The following MORC1 variants were observed in gnomAD, a reference collection of about 807,000 sequenced individuals.
MORC1 encodes the protein MORC family CW-type zinc finger 1.
MORC1 carries 59 observed loss-of-function variants against 134.9 expected under a neutral mutation model. The ratio of observed to expected loss-of-function variants is 0.44; its 90% CI spans 0.35 to 0.54. The LOEUF is 0.54. Ranked by LOEUF, MORC1 falls within the 20% of genes least tolerant of loss-of-function variation. The pLI is 0.00. For missense variants in MORC1, 947 were observed against 1,134.5 expected (o/e 0.83, Z 2.37); for synonymous variants, 395 against 391.7 (o/e 1.01, Z -0.10).
chr3:108,964,069 T>TG (rs1947153505), intron 26 of MORC1, among the ~76,000 whole-genome samples: 1 of 152,260 alleles, frequency 6.6e-6, no homozygotes, highest in Non-Finnish European at 1.5e-5. Flanking sequence ...AAGGCAAGGC[T>TG]GTAGCATCTA....
rs75923723 is a variant in MORC1, at chr3:108,979,652, C to G, written c.2340G>C (p.Pro780=). Residue 780 remains proline, a synonymous_variant, in exon 24 of 28, where the codon CCG becomes CCC. Transcript: ENST00000232603. Reference sequence around the variant, plus strand: ...CAGAACTTAGATTCACATCTTCCATCGGCACATTGAGCAAGCTGAGGTTTG... The same window carrying G: ...CAGAACTTAGATTCACATCTTCCATGGGCACATTGAGCAAGCTGAGGTTTG... ...LPSWKSLLNV[P]MEDVNLSSGH... is the part of the protein sequence containing the mutation. 1,124 of 1,613,632 alleles carry G rather than the reference C, an allele frequency of 7.0e-4. 27 individuals carry two copies. The East Asian group carries it at 0.021, about 31-fold the overall frequency.
intron 8 of MORC1, among the ~76,000 whole-genome samples, chr3:109,083,282 A>G (rs1407199576): frequency 6.7e-6 from 1 of 149,010 alleles, no homozygotes; most frequent in African/African-American, 2.5e-5. Flanking sequence ...GTATTTTTTC[A>G]ATCTGAAAAA....
intron 12 of MORC1, among the ~76,000 whole-genome samples, chr3:109,058,215 C>A (rs1050817518): frequency 2.6e-5 from 4 of 152,096 alleles, no homozygotes; most frequent in Non-Finnish European, 5.9e-5. Flanking sequence ...CAAATACAAG[C>A]CTGTCTTTGT....
chr3:108,986,936 C>T lies in MORC1; in HGVS notation c.2201G>A (p.Ser734Asn). Residue 734 changes from serine to asparagine, a missense_variant, in exon 22 of 28, where the codon AGC (serine) becomes AAC (asparagine). By Grantham distance (46) the Ser-to-Asn change is conservative. Around this residue, in one of 3 missense-constraint regions of MORC1, gnomAD observed 722 missense variants for 817.0 expected, o/e 0.88. Transcript: ENST00000232603. Reference protein sequence around the residue: ...DSDIILVSDKSNTDVSLKQEK... With the variant: ...DSDIILVSDKNNTDVSLKQEK... The stretch of plus-strand genomic sequence containing the variant: ...TTGTTTCAATGAAACATCAGTGTTG[C>T]TTTTATCTGAAACCTGAAAAACAAG... The T allele has an allele frequency of 4.5e-6, 7 of 1,568,062 alleles. No individual in the cohort carries two copies. Among genetic ancestry groups the T allele is most frequent in the Non-Finnish European group, 6.0e-6 (7 of 1,162,398 alleles).
At chr3:109,052,672 T>TGAA (rs1291485710) in intron 14 of MORC1, among the ~76,000 whole-genome samples, 29 of 152,310 alleles carry the variant, frequency 1.9e-4, no homozygotes, top group African/African-American at 5.8e-4. Flanking sequence ...AAATTACAAC[T>TGAA]TCAAGTGAAG....
chr3:109,082,752 T>G (rs1172980051), intron 8 of MORC1, among the ~76,000 whole-genome samples: 1 of 149,832 alleles, frequency 6.7e-6, no homozygotes, highest in African/African-American at 2.5e-5. Context: ...TAAAAAAAAA[T>G]GAAAGAAACA....
At chr3:109,103,962 TGTTA>T in intron 3 of MORC1, 45 bp from the exon 4 acceptor site, 1 of 1,524,520 alleles carries the variant, frequency 6.6e-7, no homozygotes, top group Non-Finnish European at 9.1e-7. Flanking sequence ...GGGCTTAATT[TGTTA>T]GTCAGAAAGT....
At chr3:109,013,493 A>T (rs1948745533) in intron 17 of MORC1, among the ~76,000 whole-genome samples, 1 of 152,202 alleles carries the variant, frequency 6.6e-6, no homozygotes, top group Non-Finnish European at 1.5e-5. Context: ...ATGTGAATCA[A>T]AGTTGGTCCA....
intron 1 of MORC1, among the ~76,000 whole-genome samples, chr3:109,117,350 A>AAAAG (rs1258831769): frequency 2.1e-5 from 3 of 146,016 alleles, no homozygotes; most frequent in African/African-American, 5.0e-5. Flanking sequence ...AAAAAAAAAA[A>AAAAG]AAAGAAACAT....
At chr3:109,020,610 C>CA (rs1948933026) in intron 17 of MORC1, among the ~76,000 whole-genome samples, 1 of 151,878 alleles carries the variant, frequency 6.6e-6, no homozygotes, top group East Asian at 1.9e-4. Flanking sequence ...ACTAAAAATA[C>CA]AAAAAATTAG....
At chr3:109,086,028 G>C (rs182573978) in intron 8 of MORC1, among the ~76,000 whole-genome samples, 1 of 152,062 alleles carries the variant, frequency 6.6e-6, no homozygotes, top group African/African-American at 2.4e-5. Flanking sequence ...TTCATATGTA[G>C]GAGCTTAAAA....
chr3:109,082,709 A>G (rs1230382738), intron 8 of MORC1, among the ~76,000 whole-genome samples: 1 of 152,154 alleles, frequency 6.6e-6, no homozygotes, highest in Non-Finnish European at 1.5e-5. Flanking sequence ...GCTCAAAGAT[A>G]GGTTATTTGA....
In MORC1 at chr3:109,040,353, T is replaced by TGAAAGAATGAAA. The variant is rs1553753592; in HGVS notation, c.1331-4886_1331-4885insTTTCATTCTTTC. The stretch of plus-strand genomic sequence containing the variant: ...ACTGTCTCAAAGACACTCAAAGAAC[T>TGAAAGAATGAAA]GAAAGAAAGAAAGAAAGAAAGAAAG... On this transcript the variant is annotated intron_variant, in intron 14 of 27. Transcript: ENST00000232603. Among the ~76,000 whole-genome samples, 8 of 28,226 alleles carry TGAAAGAATGAAA rather than the reference T, an allele frequency of 2.8e-4. 1 individual carries two copies. In the South Asian group the frequency reaches 6.2e-3, roughly 22 times the overall value. 18.5% of individuals were successfully genotyped at this position (28,226 alleles called of 152,430 possible).
At chr3:109,074,822 T>C (rs996343295) in intron 8 of MORC1, among the ~76,000 whole-genome samples, 1 of 152,204 alleles carries the variant, frequency 6.6e-6, no homozygotes, top group African/African-American at 2.4e-5. Context: ...ATTGTGGGGA[T>C]TACTAAAATG....
intron 8 of MORC1, among the ~76,000 whole-genome samples, chr3:109,073,342 T>A (rs150864772): frequency 6.6e-6 from 1 of 152,314 alleles, no homozygotes; most frequent in Non-Finnish European, 1.5e-5. Context: ...CTGATTCAGA[T>A]TCTCTGTGGC....
chr3:109,078,151 T>A (rs1223747662), intron 8 of MORC1, among the ~76,000 whole-genome samples: 2 of 152,084 alleles, frequency 1.3e-5, no homozygotes, highest in African/African-American at 4.8e-5. Context: ...TCTAACATAC[T>A]GCTCTCAGAA....
chr3:109,064,501 T>C (rs1950154848), intron 9 of MORC1, among the ~76,000 whole-genome samples: 1 of 152,130 alleles, frequency 6.6e-6, no homozygotes, highest in Admixed American at 6.5e-5. Context: ...ATTTAAACTT[T>C]CATTGACTTT....
At chr3:109,067,864 A>G (rs1248745704) in intron 9 of MORC1, among the ~76,000 whole-genome samples, 1 of 152,180 alleles carries the variant, frequency 6.6e-6, no homozygotes, top group African/African-American at 2.4e-5. Context: ...TTTAGTATTA[A>G]TATCTTTATG....
At chr3:109,100,352 A>C (rs1385431276) in intron 5 of MORC1, 65 bp downstream of exon 5, 2 of 1,239,090 alleles carry the variant, frequency 1.6e-6, no homozygotes, top group Non-Finnish European at 2.4e-6. Flanking sequence ...ATTCTGTGTA[A>C]ATTGCTTTAT....
Sources: allele counts gnomAD v4.1 joint callset (sites outside exome capture counted in the v4.1 genomes callset), GRCh38; gene constraint gnomAD v4.1.1; regional missense constraint gnomAD v4.1.1; transcripts MANE v1.5; gene names NCBI Gene and HGNC (gene_info 2026-07-23, HGNC 2026-07-21).